Variants in MTUS2 observed in about 807,000 individuals in gnomAD.
The protein encoded by MTUS2 is microtubule associated scaffold protein 2, also known as microtubule-associated tumor suppressor candidate 2.
MTUS2 carries 40 observed loss-of-function variants against 114.1 expected under a neutral mutation model. The ratio of observed to expected loss-of-function variants is 0.35; its 90% CI spans 0.27 to 0.46. The LOEUF is 0.46. MTUS2 is among the 20% of genes least tolerant of loss of function. The probability of loss-of-function intolerance (pLI) is 1.00; values close to 1 mark genes in which losing one functional copy is unlikely to be tolerated. For missense variants in MTUS2, 1,679 were observed against 1,705.4 expected, an observed-to-expected ratio of 0.98 and a Z score of 0.27; for synonymous variants, 688 against 672.0, an observed-to-expected ratio of 1.02 and a Z score of -0.37.
chr13:28,953,263 C>G (rs1268024499), intron 2 of MTUS2, among the ~76,000 whole-genome samples: 4 of 151,744 alleles, frequency 2.6e-5, no homozygotes, highest in African/African-American at 9.7e-5. Context: ...AATCCCTGCA[C>G]TTTGGGAGGC....
chr13:29,309,612 C>T (rs958861943), intron 6 of MTUS2, among the ~76,000 whole-genome samples: 8 of 151,788 alleles, frequency 5.3e-5, no homozygotes, highest in African/African-American at 1.7e-4. Flanking sequence ...ATAATATGAA[C>T]ATTTGTTGTG....
Position 29,100,926 on chromosome 13 carries a change from A to G in MTUS2, c.2600A>G (p.Gln867Arg). The change falls in exon 5 of 16, where the codon CAG (glutamine) becomes CGG (arginine). Residue 867 changes from glutamine (Q) to arginine (R), a missense_variant. By Grantham distance (43) the Gln-to-Arg change is conservative. This residue lies in a region of MTUS2 where 822 missense variants were observed against 899.7 expected (regional missense o/e 0.91). Transcript: ENST00000612955. ...SSSVSSVSSTQSGDSAQPEQG... is the reference protein window; with the variant it reads ...SSSVSSVSSTRSGDSAQPEQG... ...AGCGTCTCCTCAGTCTCCAGCACCC[A>G]GTCCGGGGACAGTGCACAGCCAGAG... 6.3e-7 allele frequency: 1 copy of G among 1,577,668 alleles called. No homozygotes were observed. Among genetic ancestry groups the G allele is most frequent in the Non-Finnish European group, 8.6e-7 (1 of 1,161,380 alleles).
chr13:29,472,501 G>A lies in MTUS2; in HGVS notation c.3185-7649G>A, dbSNP rs150239015. Among the ~76,000 whole-genome samples, 678 of 152,276 alleles carry A rather than the reference G, an allele frequency of 4.5e-3. 3 individuals carry two copies. Among genetic ancestry groups the A allele is most frequent in the African/African-American group, 0.013 (543 of 41,542 alleles). On this transcript the variant is annotated intron_variant, in intron 9 of 15. Transcript: ENST00000612955. ...CTTGCGGATGTTCCTGTGACCTAACGGGTTTGGACAAAGACATTTGCCACC... is the reference window on the plus strand; with the variant it reads ...CTTGCGGATGTTCCTGTGACCTAACAGGTTTGGACAAAGACATTTGCCACC...
chr13:29,435,010 G>C (rs11618681), intron 8 of MTUS2, among the ~76,000 whole-genome samples: 1 of 152,216 alleles, frequency 6.6e-6, no homozygotes. Flanking sequence ...GAGTGAGTTG[G>C]ATGTTTCATA....
chr13:29,492,005 GTGAA>G (rs1342968112), intron 11 of MTUS2, among the ~76,000 whole-genome samples: 1 of 106,238 alleles, frequency 9.4e-6, no homozygotes. Context: ...TGGTGTGTAT[GTGAA>G]TGTGTGTGGT....
At chr13:29,313,320 G>A (rs1252868742) in intron 6 of MTUS2, among the ~76,000 whole-genome samples, 3 of 152,188 alleles carry the variant, frequency 2.0e-5, no homozygotes, top group Non-Finnish European at 4.4e-5. Context: ...GCATTTTATT[G>A]AGCATAAAGA....
At position 28,997,517 on chromosome 13, in the gene MTUS2, G is replaced by C. The variant is rs1490990384; in HGVS notation, c.-242-26940G>C. 2.6e-5 allele frequency among the ~76,000 whole-genome samples: 4 copies of C among 152,144 alleles called. 1 individual carries two copies. The South Asian group carries it at 8.3e-4, about 32-fold the overall frequency. ...TTAAAGTCTCCCATTATTATTGTTTGGGAGCCTAAGTCTCTTTGTAGGTCT... is the reference window on the plus strand; with the variant it reads ...TTAAAGTCTCCCATTATTATTGTTTCGGAGCCTAAGTCTCTTTGTAGGTCT... On this transcript the variant is annotated intron_variant, in intron 2 of 15. Coordinates refer to ENST00000612955, the MANE Select transcript of MTUS2 (RefSeq NM_001033602.4).
At chr13:28,899,210 T>C (rs1296083585) in intron 2 of MTUS2, among the ~76,000 whole-genome samples, 1 of 152,244 alleles carries the variant, frequency 6.6e-6, no homozygotes, top group East Asian at 1.9e-4. Flanking sequence ...AATATCACAA[T>C]GTTAAATCAA....
At chr13:28,944,857 A>C (rs1230627474) in intron 2 of MTUS2, among the ~76,000 whole-genome samples, 1 of 152,194 alleles carries the variant, frequency 6.6e-6, no homozygotes, top group Non-Finnish European at 1.5e-5. Flanking sequence ...AAGGGGCACA[A>C]GTGCAGTTTT....
intron 5 of MTUS2, among the ~76,000 whole-genome samples, chr13:29,229,543 G>A (rs575691602): frequency 8.5e-5 from 13 of 152,286 alleles, no homozygotes; most frequent in African/African-American, 1.2e-4. Flanking sequence ...TATGAATCCT[G>A]TAGTTAAATT....
chr13:29,306,874 A>C (rs1232744169), intron 6 of MTUS2: 8 of 499,568 alleles, frequency 1.6e-5, no homozygotes, highest in Non-Finnish European at 3.2e-5. Flanking sequence ...TATTGTGGCC[A>C]TCAGTGACCC....
intron 8 of MTUS2, among the ~76,000 whole-genome samples, chr13:29,371,420 G>T (rs968236040): frequency 3.3e-5 from 5 of 152,036 alleles, no homozygotes; most frequent in African/African-American, 9.7e-5. Context: ...GTTTCACCAT[G>T]TTGGCCAGGC....
chr13:29,101,098 G>A (rs1227572749), intron 5 of MTUS2, 128 bp downstream of exon 5: 1 of 1,059,124 alleles, frequency 9.4e-7, no homozygotes, highest in Middle Eastern at 3.1e-4. Context: ...TCCCATTGTT[G>A]TGTTATTCAT....
chr13:29,377,337 C>A (rs1414186378), intron 8 of MTUS2, among the ~76,000 whole-genome samples: 1 of 152,138 alleles, frequency 6.6e-6, no homozygotes, highest in African/African-American at 2.4e-5. Flanking sequence ...CCAAGAGAGA[C>A]CACATTCTGG....
chr13:29,484,070 G>T (rs1258321055), intron 10 of MTUS2: 4 of 152,256 alleles, frequency 2.6e-5, no homozygotes. Context: ...GGGACTGCCA[G>T]TCTGGATGCA....
intron 5 of MTUS2, among the ~76,000 whole-genome samples, chr13:29,201,739 A>G (rs565397701): frequency 2.9e-4 from 44 of 152,214 alleles, no homozygotes; most frequent in African/African-American, 9.9e-4. Flanking sequence ...TCTGTAAAGG[A>G]TTTTATTTCT....
chr13:29,485,724 G>C lies in MTUS2; in HGVS notation c.3400-2176G>C, dbSNP rs77334627. ...GGCATACATTGATGCCACAAACACA[G>C]TGTAGTACTGCCAGTCAGGGCACAT... is the stretch of plus-strand genomic sequence containing the variant. On this transcript the variant is annotated intron_variant, in intron 10 of 15. Coordinates refer to ENST00000612955, the MANE Select transcript of MTUS2 (RefSeq NM_001033602.4). 2.6e-5 allele frequency among the ~76,000 whole-genome samples: 4 copies of C among 152,332 alleles called. No homozygotes were observed. In the East Asian group the frequency reaches 7.7e-4, roughly 29 times the overall value.
At chr13:28,968,615 A>G (rs1437656228) in intron 2 of MTUS2, among the ~76,000 whole-genome samples, 1 of 152,214 alleles carries the variant, frequency 6.6e-6, no homozygotes. Context: ...TGTTTTGCTC[A>G]GTAATTCAAT....
chr13:29,398,222 C>T (rs1437509590), intron 8 of MTUS2, among the ~76,000 whole-genome samples: 1 of 152,158 alleles, frequency 6.6e-6, no homozygotes, highest in Non-Finnish European at 1.5e-5. Context: ...GCACTTTGGG[C>T]GGCTGAGGCG....
Sources: gnomAD v4.1 joint callset for allele counts (sites outside exome capture counted in the v4.1 genomes callset) on GRCh38, gnomAD v4.1.1 for gene constraint, gnomAD v4.1.1 regional missense constraint, MANE v1.5 for transcripts, NCBI Gene and HGNC (gene_info 2026-07-23, HGNC 2026-07-21) for gene names.